CDK8: variants seen among roughly 807,000 people sequenced by gnomAD.
The protein encoded by CDK8 is cyclin-dependent kinase 8.
CDK8 carries 29 observed loss-of-function variants against 71.5 expected under a neutral mutation model. The observed-to-expected ratio is 0.41, with a 90% CI of 0.30 to 0.55. CDK8 has a LOEUF of 0.55. Among genes scored for constraint, CDK8 ranks in the 20% least tolerant of loss-of-function variants. CDK8 has a pLI of 0.37. For missense variants in CDK8, 288 were observed against 572.6 expected (o/e 0.50, Z 5.07); for synonymous variants, 161 against 192.1 (o/e 0.84, Z 1.34).
chr13:26,277,884 T>C (rs1872613299), intron 1 of CDK8, among the ~76,000 whole-genome samples: 1 of 152,216 alleles, frequency 6.6e-6, no homozygotes, highest in Non-Finnish European at 1.5e-5. Flanking sequence ...AGCATAAGCA[T>C]ATTCTCCCAT....
chr13:26,330,618 C>A (rs1287604085), intron 1 of CDK8, among the ~76,000 whole-genome samples: 1 of 146,714 alleles, frequency 6.8e-6, no homozygotes, highest in African/African-American at 2.4e-5. Context: ...TTCCACTCTT[C>A]CTTCACGTGT....
intron 1 of CDK8, among the ~76,000 whole-genome samples, chr13:26,336,498 A>C (rs890980519): frequency 6.6e-6 from 1 of 152,068 alleles, no homozygotes; most frequent in Non-Finnish European, 1.5e-5. Flanking sequence ...TCTGGGACCA[A>C]AAGGTTTGAG....
intron 1 of CDK8, among the ~76,000 whole-genome samples, chr13:26,333,128 A>G (rs980207065): frequency 2.0e-5 from 3 of 151,590 alleles, no homozygotes; most frequent in Non-Finnish European, 2.9e-5. Context: ...TTTTCACAAT[A>G]TTAATTATAT....
chr13:26,398,962 CAAA>C (rs200778680), intron 9 of CDK8, among the ~76,000 whole-genome samples: 11 of 136,766 alleles, frequency 8.0e-5, no homozygotes, highest in African/African-American at 2.4e-4. Context: ...GACTCTATCT[CAAA>C]AAAAAAAAAA....
intron 1 of CDK8, among the ~76,000 whole-genome samples, chr13:26,298,513 C>T (rs1380495569): frequency 6.6e-6 from 1 of 151,974 alleles, no homozygotes; most frequent in East Asian, 1.9e-4. Flanking sequence ...AGTGGATGCC[C>T]CTCAAAGAAA....
chr13:26,357,419 T>A (rs1593285786), intron 4 of CDK8, among the ~76,000 whole-genome samples: 1 of 152,342 alleles, frequency 6.6e-6, no homozygotes, highest in Non-Finnish European at 1.5e-5. Context: ...ATGTAAGTTG[T>A]TGCTTATACA....
intron 1 of CDK8, among the ~76,000 whole-genome samples, chr13:26,327,778 G>A (rs1261054889): frequency 2.0e-5 from 3 of 152,096 alleles, no homozygotes; most frequent in Non-Finnish European, 4.4e-5. Context: ...ACAGTGAGCC[G>A]AGATTGCGCC....
intron 12 of CDK8, among the ~76,000 whole-genome samples, chr13:26,402,667 T>A (rs1016522866): frequency 1.3e-5 from 2 of 152,228 alleles, no homozygotes; most frequent in Non-Finnish European, 2.9e-5. Flanking sequence ...GGCAGACAGC[T>A]GTGGGAGTTG....
At chr13:26,339,815 G>T (rs1468520036) in intron 2 of CDK8, among the ~76,000 whole-genome samples, 1 of 146,868 alleles carries the variant, frequency 6.8e-6, no homozygotes. Context: ...TCACTGGTAG[G>T]TTTTTGGTGA....
At chr13:26,313,412 T>A (rs1375979710) in intron 1 of CDK8, among the ~76,000 whole-genome samples, 1 of 152,226 alleles carries the variant, frequency 6.6e-6, no homozygotes, top group Non-Finnish European at 1.5e-5. Context: ...TTCTTAACTT[T>A]CATGTCGAGT....
intron 1 of CDK8, among the ~76,000 whole-genome samples, chr13:26,268,794 A>G (rs567909523): frequency 1.3e-5 from 2 of 152,322 alleles, no homozygotes; most frequent in East Asian, 3.9e-4. Context: ...GTGACAAATG[A>G]TTGATGCTCT....
chr13:26,356,694 T>C (rs1873912333), intron 4 of CDK8, among the ~76,000 whole-genome samples: 1 of 152,242 alleles, frequency 6.6e-6, no homozygotes, highest in African/African-American at 2.4e-5. Flanking sequence ...TAGCTACATA[T>C]GATTCTAATG....
chr13:26,380,982 C>T (rs966700827), intron 4 of CDK8, among the ~76,000 whole-genome samples: 36 of 151,922 alleles, frequency 2.4e-4, no homozygotes, highest in African/African-American at 7.7e-4. Context: ...AATAATTTTC[C>T]GTGTGGAAGG....
intron 1 of CDK8, among the ~76,000 whole-genome samples, chr13:26,317,339 G>A (rs1874556292): frequency 6.6e-6 from 1 of 152,064 alleles, no homozygotes; most frequent in African/African-American, 2.4e-5. Flanking sequence ...AAACTGATAG[G>A]GAGAGATAGA....
intron 1 of CDK8, among the ~76,000 whole-genome samples, chr13:26,326,850 A>G (rs1341746835): frequency 6.6e-6 from 1 of 152,216 alleles, no homozygotes; most frequent in East Asian, 1.9e-4. Flanking sequence ...GTTTCCATCA[A>G]TGATAAGATT....
intron 2 of CDK8, among the ~76,000 whole-genome samples, chr13:26,340,642 C>T (rs767295744): frequency 3.6e-4 from 55 of 152,164 alleles, no homozygotes; most frequent in Admixed American, 7.9e-4. Flanking sequence ...AGTTGTGCGT[C>T]CCCAGCATTC....
intron 1 of CDK8, among the ~76,000 whole-genome samples, chr13:26,281,459 C>T (rs1872741454): frequency 6.9e-6 from 1 of 145,164 alleles, no homozygotes; most frequent in South Asian, 2.2e-4. Context: ...GGACCACCAA[C>T]GTGGTACAAA....
At chr13:26,336,890 C>T (rs1189292139) in intron 1 of CDK8, among the ~76,000 whole-genome samples, 1 of 152,068 alleles carries the variant, frequency 6.6e-6, no homozygotes, top group Non-Finnish European at 1.5e-5. Context: ...CACCAAGTCC[C>T]CTTTGAGTAA....
intron 6 of CDK8, among the ~76,000 whole-genome samples, chr13:26,386,764 A>G (rs1191158080): frequency 6.6e-6 from 1 of 152,192 alleles, no homozygotes; most frequent in African/African-American, 2.4e-5. Flanking sequence ...CAGAACTTGG[A>G]TGACACCCCT....
Sources: allele counts gnomAD v4.1 joint callset (sites outside exome capture counted in the v4.1 genomes callset), GRCh38; gene constraint gnomAD v4.1.1; transcripts MANE v1.5; gene names NCBI Gene and HGNC (gene_info 2026-07-23, HGNC 2026-07-21).